The following TLK1 variants were observed in gnomAD, a reference collection of about 807,000 sequenced individuals.
TLK1 encodes the protein tousled like kinase 1.
A neutral mutation model predicts 105.3 loss-of-function variants in TLK1; 24 were observed. The observed-to-expected ratio is 0.23, with a 90% CI of 0.17 to 0.32. The LOEUF (loss-of-function observed/expected upper bound fraction) is 0.32. Among genes scored for constraint, TLK1 ranks in the 10% least tolerant of loss-of-function variants. TLK1 has a pLI of 1.00. For synonymous variants in TLK1, 321 were observed against 310.4 expected, an observed-to-expected ratio of 1.03 and a Z score of -0.36; for missense variants, 558 against 910.5, an observed-to-expected ratio of 0.61 and a Z score of 4.98.
chr2:171,094,382 G>C (rs988028161), intron 2 of TLK1, among the ~76,000 whole-genome samples: 1 of 151,726 alleles, frequency 6.6e-6, no homozygotes, highest in South Asian at 2.1e-4. Context: ...TTTTCAGAAG[G>C]GAGGAAACAA....
chr2:171,157,380 G>A (rs1057420985), intron 1 of TLK1, among the ~76,000 whole-genome samples: 4 of 152,084 alleles, frequency 2.6e-5, no homozygotes, highest in African/African-American at 4.8e-5. Flanking sequence ...TTAATCACAG[G>A]ATTATAGAAG....
intron 2 of TLK1, among the ~76,000 whole-genome samples, chr2:171,103,066 G>A (rs1266542058): frequency 1.3e-5 from 2 of 151,988 alleles, no homozygotes; most frequent in Non-Finnish European, 2.9e-5. Flanking sequence ...GTGTGTTTGA[G>A]GCAAGTGGCA....
chr2:171,144,633 G>A (rs1462526729), intron 1 of TLK1, among the ~76,000 whole-genome samples: 1 of 151,838 alleles, frequency 6.6e-6, no homozygotes, highest in Non-Finnish European at 1.5e-5. Flanking sequence ...AAACAAAAAG[G>A]CAACATATCA....
At chr2:171,001,564 T>C (rs1684373510) in intron 18 of TLK1, among the ~76,000 whole-genome samples, 1 of 152,212 alleles carries the variant, frequency 6.6e-6, no homozygotes, top group African/African-American at 2.4e-5. Flanking sequence ...GCTTTATAGC[T>C]AAGGGCAGTC....
intron 2 of TLK1, 23 bp from the exon 3 acceptor site, chr2:171,082,875 T>A (rs550940584): frequency 6.4e-7 from 1 of 1,560,726 alleles, no homozygotes; most frequent in African/African-American, 1.4e-5. Flanking sequence ...TTTTAAAAGG[T>A]AAAAATTAGG....
Position 171,006,965 on chromosome 2 carries a change from T to A in TLK1, c.1508+7A>T. On this transcript the variant is annotated splice_region_variant and intron_variant, in intron 15 of 20. Transcript: ENST00000431350. ...ATTTTAAAAAACCATAAAGTATTAGTATTTACTTGTGGTAGTTTTCTTTCT... is the reference window on the plus strand; with the variant it reads ...ATTTTAAAAAACCATAAAGTATTAGAATTTACTTGTGGTAGTTTTCTTTCT... 6.2e-7 allele frequency: 1 copy of A among 1,607,456 alleles called. No homozygotes were observed. Among genetic ancestry groups the A allele is most frequent in the Non-Finnish European group, 8.5e-7 (1 of 1,177,698 alleles).
intron 1 of TLK1, among the ~76,000 whole-genome samples, chr2:171,221,022 CA>C (rs1225766033): frequency 6.6e-6 from 1 of 152,028 alleles, no homozygotes; most frequent in Non-Finnish European, 1.5e-5. Context: ...CCTGTCTCTA[CA>C]AAAAATTTAA....
At chr2:171,126,788 T>C (rs1017607367) in intron 1 of TLK1, among the ~76,000 whole-genome samples, 4 of 151,954 alleles carry the variant, frequency 2.6e-5, no homozygotes, top group Non-Finnish European at 4.4e-5. Flanking sequence ...CTTGATAAGC[T>C]GATTTATAGA....
At chr2:171,208,894 A>G (rs1281786041) in intron 1 of TLK1, among the ~76,000 whole-genome samples, 3 of 152,240 alleles carry the variant, frequency 2.0e-5, no homozygotes, top group Admixed American at 6.5e-5. Flanking sequence ...AATTTATCTT[A>G]GCAATACATC....
chr2:171,006,416 A>C (rs1046271229), intron 17 of TLK1, 58 bp downstream of exon 17: 13 of 1,507,222 alleles, frequency 8.6e-6, no homozygotes, highest in Admixed American at 2.2e-5. Flanking sequence ...TAACTTAATG[A>C]ATGACTTTTA....
chr2:171,045,684 T>A (rs1686929445), intron 11 of TLK1: 1 of 152,320 alleles, frequency 6.6e-6, no homozygotes, highest in Non-Finnish European at 1.5e-5. Context: ...TTTTAAAAAA[T>A]GTCTTTGTCC....
intron 12 of TLK1, among the ~76,000 whole-genome samples, chr2:171,017,286 CTCTT>C (rs1445440056): frequency 3.9e-5 from 6 of 152,188 alleles, no homozygotes; most frequent in Admixed American, 6.5e-5. Flanking sequence ...AAAGCAATGA[CTCTT>C]TCCCTTCATG....
intron 2 of TLK1, among the ~76,000 whole-genome samples, chr2:171,089,514 T>A (rs1276399871): frequency 6.6e-6 from 1 of 152,206 alleles, no homozygotes; most frequent in Non-Finnish European, 1.5e-5. Flanking sequence ...ATACAGCACA[T>A]CTATTTTAAC....
At chr2:171,092,838 T>C (rs1359658444) in intron 2 of TLK1, among the ~76,000 whole-genome samples, 1 of 152,008 alleles carries the variant, frequency 6.6e-6, no homozygotes, top group Non-Finnish European at 1.5e-5. Context: ...ATGAAGCAAC[T>C]AGATGGGTAC....
chr2:171,015,201 C>G lies in TLK1; in HGVS notation c.1237-253G>C, dbSNP rs1313762993. On this transcript the variant is annotated intron_variant, in intron 12 of 20. Transcript: ENST00000431350. ...AGATGCTGGGTTTTATTCTGTACTA[C>G]AAGAAATCTATTTTTATAATGTATA... Among the ~76,000 whole-genome samples the G allele has an allele frequency of 2.6e-5, 4 of 151,904 alleles. No homozygotes were observed. In the South Asian group the frequency reaches 8.3e-4, roughly 31 times the overall value.
intron 1 of TLK1, among the ~76,000 whole-genome samples, chr2:171,154,804 T>G (rs1575635357): frequency 6.6e-6 from 1 of 152,212 alleles, no homozygotes; most frequent in South Asian, 2.1e-4. Flanking sequence ...CTATAGGAAA[T>G]GAGCTTTAAA....
chr2:171,073,544 G>A (rs947792311), intron 3 of TLK1, among the ~76,000 whole-genome samples: 9 of 152,014 alleles, frequency 5.9e-5, no homozygotes, highest in Non-Finnish European at 8.8e-5. Context: ...GGAAACAGAT[G>A]TATACAGCCA....
intron 1 of TLK1, among the ~76,000 whole-genome samples, chr2:171,216,394 TG>T (rs1160400224): frequency 2.0e-5 from 3 of 152,146 alleles, no homozygotes; most frequent in Non-Finnish European, 4.4e-5. Context: ...GAGAATGGCA[TG>T]AACCCGGGAG....
intron 4 of TLK1, among the ~76,000 whole-genome samples, chr2:171,058,754 G>T (rs1687616453): frequency 6.6e-6 from 1 of 152,116 alleles, no homozygotes. Context: ...TTCTTCATCA[G>T]TCCTGTAAGT....
Sources: allele counts gnomAD v4.1 joint callset (sites outside exome capture counted in the v4.1 genomes callset), GRCh38; gene constraint gnomAD v4.1.1; transcripts MANE v1.5; gene names NCBI Gene and HGNC (gene_info 2026-07-23, HGNC 2026-07-21).